Variants in SUPT3H observed in about 807,000 individuals in gnomAD.
The protein encoded by SUPT3H is SPT3 homolog, SAGA and STAGA complex component.
Under a neutral mutation model 44.3 loss-of-function variants are expected in SUPT3H, and 44 were observed. The ratio of observed to expected loss-of-function variants is 0.99; its 90% CI spans 0.78 to 1.28. The LOEUF (loss-of-function observed/expected upper bound fraction) is 1.28, where lower values mean the gene tolerates loss of function less well. Ranked by LOEUF, SUPT3H falls within the 50% of genes most tolerant of loss-of-function variation. SUPT3H has a pLI of 0.00. For synonymous variants in SUPT3H, 124 were observed against 125.6 expected (o/e 0.99, Z 0.09); for missense variants, 380 against 387.1 (o/e 0.98, Z 0.15).
downstream of SUPT3H, among the ~76,000 whole-genome samples, chr6:44,823,324 A>G (rs1767492056): frequency 6.6e-6 from 1 of 152,176 alleles, no homozygotes; most frequent in South Asian, 2.1e-4. Flanking sequence ...AAAGGGTGCT[A>G]TGTGCTGAGA....
chr6:45,293,574 C>T (rs567355133), intron 2 of SUPT3H, among the ~76,000 whole-genome samples: 58 of 151,458 alleles, frequency 3.8e-4, no homozygotes, highest in African/African-American at 1.4e-3. Flanking sequence ...AAATGATAAA[C>T]CTGAGAGACC....
intron 2 of SUPT3H, among the ~76,000 whole-genome samples, chr6:45,142,795 A>T (rs1426126538): frequency 6.7e-6 from 1 of 149,694 alleles, no homozygotes; most frequent in Non-Finnish European, 1.5e-5. Context: ...AAAATCCACT[A>T]ACCAAGTATC....
intron 10 of SUPT3H, among the ~76,000 whole-genome samples, chr6:44,881,533 T>C (rs540547): frequency 0.99 from 149,393 of 151,552 alleles, 73,676 homozygotes; most frequent in South Asian, 1. Flanking sequence ...CTGGACCAAG[T>C]GGACCTAATA....
intron 2 of SUPT3H, among the ~76,000 whole-genome samples, chr6:45,229,347 T>C (rs970128463): frequency 6.6e-6 from 1 of 152,118 alleles, no homozygotes; most frequent in Non-Finnish European, 1.5e-5. Context: ...AATCAACTTA[T>C]ACTGAGAGAG....
At chr6:44,906,149 T>C (rs923916557) in intron 10 of SUPT3H, among the ~76,000 whole-genome samples, 2 of 152,250 alleles carry the variant, frequency 1.3e-5, no homozygotes, top group Non-Finnish European at 2.9e-5. Context: ...ATTGTGCACA[T>C]GTACCCTAAA....
At chr6:45,363,295 T>C (rs1307659457) in intron 2 of SUPT3H, among the ~76,000 whole-genome samples, 2 of 152,184 alleles carry the variant, frequency 1.3e-5, no homozygotes, top group Non-Finnish European at 2.9e-5. Context: ...CTATAGGACA[T>C]CTGTTTTTAA....
At chr6:44,886,386 A>C (rs531786982) in intron 10 of SUPT3H, among the ~76,000 whole-genome samples, 270 of 152,266 alleles carry the variant, frequency 1.8e-3, no homozygotes, top group African/African-American at 6.3e-3. Flanking sequence ...GGTTACCCAC[A>C]AAGGGAAGCC....
At chr6:44,876,599 C>T (rs1582142736) in intron 10 of SUPT3H, among the ~76,000 whole-genome samples, 1 of 148,356 alleles carries the variant, frequency 6.7e-6, no homozygotes, top group Non-Finnish European at 1.5e-5. Context: ...CACATGTATA[C>T]ATATGTAACT....
At chr6:45,153,277 T>C (rs1030846966) in intron 2 of SUPT3H, among the ~76,000 whole-genome samples, 1 of 152,224 alleles carries the variant, frequency 6.6e-6, no homozygotes, top group African/African-American at 2.4e-5. Context: ...AGAACCTTCA[T>C]CTTCTTCACT....
intron 3 of SUPT3H, among the ~76,000 whole-genome samples, chr6:45,067,176 G>A: frequency 7.0e-6 from 1 of 142,590 alleles, no homozygotes; most frequent in African/African-American, 2.6e-5. Context: ...ACAACTATCT[G>A]ATCTTTGACA....
intron 10 of SUPT3H, among the ~76,000 whole-genome samples, chr6:44,889,059 G>A (rs1252841614): frequency 1.3e-5 from 2 of 151,038 alleles, no homozygotes; most frequent in African/African-American, 4.9e-5. Flanking sequence ...CAACTTACAA[G>A]GGATGTGAAG....
intron 2 of SUPT3H, among the ~76,000 whole-genome samples, chr6:45,298,687 A>C (rs1263349994): frequency 1.3e-5 from 2 of 152,310 alleles, no homozygotes; most frequent in East Asian, 3.9e-4. Flanking sequence ...AATGAGACAG[A>C]AAAATGACTA....
intron 6 of SUPT3H, among the ~76,000 whole-genome samples, chr6:44,975,763 C>A (rs1778244628): frequency 6.6e-6 from 1 of 151,786 alleles, no homozygotes; most frequent in African/African-American, 2.4e-5. Flanking sequence ...GGAAAGAGTC[C>A]TATTAATAAT....
chr6:45,177,309 A>C (rs1365456128), intron 2 of SUPT3H, among the ~76,000 whole-genome samples: 1 of 152,230 alleles, frequency 6.6e-6, no homozygotes, highest in African/African-American at 2.4e-5. Context: ...AACTGGAAGA[A>C]AGGGTATCAG....
chr6:45,087,033 C>T (rs991884126), intron 3 of SUPT3H, among the ~76,000 whole-genome samples: 1 of 151,730 alleles, frequency 6.6e-6, no homozygotes, highest in African/African-American at 2.4e-5. Context: ...ATTTCTGTTC[C>T]AAAACCATCA....
At chr6:45,134,288 A>T (rs1285007) in intron 2 of SUPT3H, among the ~76,000 whole-genome samples, 34 of 152,170 alleles carry the variant, frequency 2.2e-4, no homozygotes, top group African/African-American at 7.0e-4. Flanking sequence ...CCATTCAGGG[A>T]GACAAAGCCC....
chr6:45,270,248 G>A (rs1775905194), intron 2 of SUPT3H, among the ~76,000 whole-genome samples: 1 of 152,012 alleles, frequency 6.6e-6, no homozygotes, highest in African/African-American at 2.4e-5. Context: ...GAGAGTCCTG[G>A]GAATTTAGCC....
chr6:45,258,470 G>C lies in SUPT3H; in HGVS notation c.101+106731C>G, dbSNP rs184880786. On this transcript the variant is annotated intron_variant, in intron 2 of 10. Coordinates refer to ENST00000371459, the MANE Select transcript of SUPT3H (RefSeq NM_003599.4). ...TTGATCAGTCAAATCAATAGTATCT[G>C]CAACAGGTATAAACAAACAAAACTT... is the stretch of plus-strand genomic sequence containing the variant. Among the ~76,000 whole-genome samples the C allele has an allele frequency of 2.1e-3, 316 of 152,250 alleles. 1 individual carries two copies. Among genetic ancestry groups the C allele is most frequent in the African/African-American group, 7.1e-3 (296 of 41,554 alleles).
intron 2 of SUPT3H, among the ~76,000 whole-genome samples, chr6:45,236,319 A>G (rs1769132391): frequency 6.6e-6 from 1 of 152,068 alleles, no homozygotes; most frequent in Admixed American, 6.6e-5. Context: ...GCTGGAGGAC[A>G]CCCGAGTGCT....
Sources: allele counts gnomAD v4.1 joint callset (sites outside exome capture counted in the v4.1 genomes callset), GRCh38; gene constraint gnomAD v4.1.1; transcripts MANE v1.5; gene names NCBI Gene and HGNC (gene_info 2026-07-23, HGNC 2026-07-21).